FAM178B: variants seen among roughly 807,000 people sequenced by gnomAD.
The protein encoded by FAM178B is family with sequence similarity 178 member B, also known as protein FAM178B.
In FAM178B, 82 loss-of-function variants were observed where a neutral mutation model predicts 91.7. That is an observed-to-expected ratio of 0.89 (90% CI 0.75 to 1.07). The LOEUF is 1.07. Among genes scored for constraint, FAM178B ranks in the 50% least tolerant of loss-of-function variants. The probability of loss-of-function intolerance (pLI) is 0.00; values close to 1 mark genes in which losing one functional copy is unlikely to be tolerated. For synonymous variants in FAM178B, 368 were observed against 359.4 expected, an observed-to-expected ratio of 1.02 and a Z score of -0.27; for missense variants, 769 against 846.7, an observed-to-expected ratio of 0.91 and a Z score of 1.14.
At chr2:96,906,952 C>G (rs536140272) in intron 12 of FAM178B, among the ~76,000 whole-genome samples, 3 of 152,172 alleles carry the variant, frequency 2.0e-5, no homozygotes, top group Admixed American at 2.0e-4. Flanking sequence ...TCACAGCGGG[C>G]GAGGAGGGCC....
chr2:96,885,846 G>A (rs1050774614), intron 14 of FAM178B, among the ~76,000 whole-genome samples: 3 of 152,174 alleles, frequency 2.0e-5, no homozygotes, highest in Non-Finnish European at 4.4e-5. Context: ...CAAGATTCTC[G>A]GTGCCTATGT....
At position 96,921,168 on chromosome 2, in the gene FAM178B, C is replaced by A. The variant is rs1318239795; in HGVS notation, c.1559G>T (p.Ser520Ile). ...GCAGCGGGGGAGCAGCACGCACCTG[C>A]TCCGGGAGGTCATGTCTGGGAAGAA... is the stretch of plus-strand genomic sequence containing the variant. ...VQFFPDMTSR[S>I]RRLRSQLSLV... is the part of the protein sequence containing the mutation. The change falls in exon 12 of 17, where the codon AGC becomes ATC. Residue 520 changes from serine (S) to isoleucine (I), a missense_variant. Ser to Ile is a moderately radical substitution (Grantham distance 142, BLOSUM62 -2). Transcript: ENST00000490605. 1.3e-6 allele frequency: 2 copies of A among 1,551,406 alleles called. No homozygotes were observed. Among genetic ancestry groups the A allele is most frequent in the Non-Finnish European group, 1.7e-6 (2 of 1,146,866 alleles).
chr2:96,967,124 A>C (rs1377598798), intron 5 of FAM178B, among the ~76,000 whole-genome samples: 1 of 152,198 alleles, frequency 6.6e-6, no homozygotes, highest in Admixed American at 6.5e-5. Context: ...GCCCCCACTC[A>C]GAGCTACTTT....
At chr2:96,878,294 A>G in intron 15 of FAM178B, 122 bp downstream of exon 15, 1 of 984,102 alleles carries the variant, frequency 1.0e-6, no homozygotes, top group Non-Finnish European at 1.6e-6. Context: ...CTTCCCTCTC[A>G]GCCTCCCACT....
intron 1 of FAM178B, among the ~76,000 whole-genome samples, chr2:96,981,533 C>G (rs1033152915): frequency 6.6e-6 from 1 of 152,012 alleles, no homozygotes; most frequent in Middle Eastern, 3.4e-3. Flanking sequence ...AGGCAGATCA[C>G]GAGGTGAGGA....
At chr2:96,948,395 G>C (rs1198915329) in intron 7 of FAM178B, among the ~76,000 whole-genome samples, 2 of 152,248 alleles carry the variant, frequency 1.3e-5, no homozygotes, top group Admixed American at 1.3e-4. Flanking sequence ...CACCAGCTTA[G>C]ACGGTCCTTG....
intron 12 of FAM178B, among the ~76,000 whole-genome samples, chr2:96,912,236 G>A (rs1449757335): frequency 6.6e-6 from 1 of 152,136 alleles, no homozygotes; most frequent in East Asian, 1.9e-4. Context: ...AGATCTTTGT[G>A]TCTCAGCACT....
At position 96,925,226 on chromosome 2, in the gene FAM178B, G is replaced by A. The variant is rs748139322; in HGVS notation, c.1194-1643C>T. ...GAGTCGACTACAAACATCTGCAGAAGAGAGACGCTGCCAAGGGGAGAAGGA... is the reference window on the plus strand; with the variant it reads ...GAGTCGACTACAAACATCTGCAGAAAAGAGACGCTGCCAAGGGGAGAAGGA... On this transcript the variant is annotated intron_variant, in intron 9 of 16. Coordinates refer to ENST00000490605, the MANE Select transcript of FAM178B (RefSeq NM_001122646.3). Among the ~76,000 whole-genome samples, 111 of 152,316 alleles carry A rather than the reference G, an allele frequency of 7.3e-4. 1 individual carries two copies. The highest frequency in any genetic ancestry group is 1.2e-3 in the Non-Finnish European group (81 of 68,024).
At chr2:96,932,312 C>T (rs73959411) in intron 8 of FAM178B, among the ~76,000 whole-genome samples, 11,132 of 152,290 alleles carry the variant, frequency 0.073, 1,323 homozygotes, top group African/African-American at 0.25. Context: ...CAGCACAGCA[C>T]GACCCAGGCC....
At chr2:96,951,190 G>A (rs1265516284) in intron 7 of FAM178B, among the ~76,000 whole-genome samples, 189 bp downstream of exon 7, 1 of 152,086 alleles carries the variant, frequency 6.6e-6, no homozygotes, top group Non-Finnish European at 1.5e-5. Flanking sequence ...CACCTCCCTG[G>A]CCTTGGCATT....
chr2:96,889,246 A>G (rs1168771113), intron 14 of FAM178B, among the ~76,000 whole-genome samples: 1 of 152,150 alleles, frequency 6.6e-6, no homozygotes, highest in African/African-American at 2.4e-5. Context: ...CTTTCCATAC[A>G]ATGGGAAATA....
At chr2:96,912,330 A>C (rs936355016) in intron 12 of FAM178B, among the ~76,000 whole-genome samples, 1 of 151,980 alleles carries the variant, frequency 6.6e-6, no homozygotes, top group African/African-American at 2.4e-5. Context: ...CCAGCAGTGG[A>C]AAGAGTGCCC....
intron 10 of FAM178B, among the ~76,000 whole-genome samples, 153 bp downstream of exon 10, chr2:96,923,337 A>G (rs1229732370): frequency 6.6e-6 from 1 of 152,182 alleles, no homozygotes; most frequent in Non-Finnish European, 1.5e-5. Flanking sequence ...CCGATAACAC[A>G]GTTTCTGTAG....
chr2:96,918,115 C>A (rs1333525613), intron 12 of FAM178B, among the ~76,000 whole-genome samples: 2 of 148,046 alleles, frequency 1.4e-5, no homozygotes, highest in African/African-American at 2.5e-5. Flanking sequence ...TCTGCATTAT[C>A]CATAAAACTG....
intron 13 of FAM178B, chr2:96,894,944 T>A: frequency 1.5e-6 from 1 of 663,856 alleles, no homozygotes; most frequent in Non-Finnish European, 2.2e-6. Context: ...GCACTGCCGC[T>A]CTGCATCTGT....
intron 10 of FAM178B, among the ~76,000 whole-genome samples, chr2:96,923,139 T>G: frequency 6.6e-6 from 1 of 151,600 alleles, no homozygotes; most frequent in East Asian, 1.9e-4. Flanking sequence ...CGGCTGATTT[T>G]TTTTTGTATT....
At chr2:96,925,076 A>C (rs1416088144) in intron 9 of FAM178B, among the ~76,000 whole-genome samples, 1 of 152,128 alleles carries the variant, frequency 6.6e-6, no homozygotes, top group Non-Finnish European at 1.5e-5. Context: ...GCATTTGCAC[A>C]TCTGGGCGCA....
At chr2:96,878,186 GC>G in intron 15 of FAM178B, 144 bp from the exon 16 acceptor site, 1 of 960,434 alleles carries the variant, frequency 1.0e-6, no homozygotes, top group Non-Finnish European at 1.6e-6. Context: ...GGAGGATGGG[GC>G]CAGCACAACT....
At chr2:96,938,149 T>C (rs1366941609) in intron 8 of FAM178B, among the ~76,000 whole-genome samples, 1 of 152,208 alleles carries the variant, frequency 6.6e-6, no homozygotes, top group East Asian at 1.9e-4. Flanking sequence ...CCCCCACTAT[T>C]GCCTGGCCAC....
Sources: gnomAD v4.1 joint callset for allele counts (sites outside exome capture counted in the v4.1 genomes callset) on GRCh38, gnomAD v4.1.1 for gene constraint, MANE v1.5 for transcripts, NCBI Gene and HGNC (gene_info 2026-07-23, HGNC 2026-07-21) for gene names.